Variants in DPP6 observed in about 807,000 individuals in gnomAD.
DPP6 encodes the protein A-type potassium channel modulatory protein DPP6.
Under a neutral mutation model 122.6 loss-of-function variants are expected in DPP6, and 69 were observed. The observed-to-expected ratio is 0.56, with a 90% CI of 0.46 to 0.69. DPP6 has a LOEUF of 0.69. Among genes scored for constraint, DPP6 ranks in the 30% least tolerant of loss-of-function variants. The pLI, the probability that DPP6 is intolerant of heterozygous loss-of-function variation, is 0.00. For synonymous variants in DPP6, 418 were observed against 433.1 expected (o/e 0.97, Z 0.43); for missense variants, 928 against 1,116.9 (o/e 0.83, Z 2.41).
At chr7:154,074,976 A>G (rs900958959) in intron 1 of DPP6, among the ~76,000 whole-genome samples, 6 of 151,448 alleles carry the variant, frequency 4.0e-5, no homozygotes, top group African/African-American at 1.5e-4. Flanking sequence ...AAATAATCCC[A>G]TCAAAAAGTG....
At chr7:153,985,746 A>G (rs1796812870) in intron 1 of DPP6, among the ~76,000 whole-genome samples, 1 of 152,230 alleles carries the variant, frequency 6.6e-6, no homozygotes, top group South Asian at 2.1e-4. Context: ...CATTTTAGGA[A>G]ATAAGCTACA....
At chr7:154,159,196 C>T (rs7795651) in intron 1 of DPP6, among the ~76,000 whole-genome samples, 126,910 of 152,104 alleles carry the variant, frequency 0.83, 53,271 homozygotes, top group East Asian at 0.98. Flanking sequence ...ATCCCCGAGC[C>T]CCTGCTCCGT....
intron 1 of DPP6, among the ~76,000 whole-genome samples, chr7:154,418,999 T>C (rs1009986235): frequency 5.3e-5 from 8 of 152,220 alleles, no homozygotes; most frequent in Admixed American, 5.2e-4. Flanking sequence ...GAAATGATAT[T>C]AGCAATCATA....
intron 1 of DPP6, among the ~76,000 whole-genome samples, chr7:154,216,549 C>G (rs1388695102): frequency 6.6e-6 from 1 of 152,134 alleles, no homozygotes. Context: ...GCAAATGGCC[C>G]AGAGATTCTT....
At chr7:154,387,148 G>T (rs1019924154) in intron 1 of DPP6, among the ~76,000 whole-genome samples, 10 of 152,262 alleles carry the variant, frequency 6.6e-5, no homozygotes, top group Admixed American at 4.6e-4. Context: ...CTAGAACTAG[G>T]TCATTCTTGG....
chr7:153,927,174 G>A (rs575717140), intron 1 of DPP6, among the ~76,000 whole-genome samples: 3 of 152,220 alleles, frequency 2.0e-5, no homozygotes, highest in Non-Finnish European at 4.4e-5. Flanking sequence ...TTGGCTGGGC[G>A]TGGTGCTGTA....
intron 1 of DPP6, among the ~76,000 whole-genome samples, chr7:154,218,604 G>GT (rs1478943817): frequency 6.6e-6 from 1 of 152,198 alleles, no homozygotes; most frequent in Non-Finnish European, 1.5e-5. Context: ...TGGCAGTACA[G>GT]TAAATTTTAA....
chr7:154,085,901 G>A (rs1470810151), intron 1 of DPP6, among the ~76,000 whole-genome samples: 7 of 152,060 alleles, frequency 4.6e-5, no homozygotes, highest in Admixed American at 2.0e-4. Flanking sequence ...CTAATTTTTC[G>A]TATATTTAGC....
chr7:154,753,631 CT>C (rs1419505236), intron 8 of DPP6, among the ~76,000 whole-genome samples: 1 of 152,176 alleles, frequency 6.6e-6, no homozygotes, highest in Non-Finnish European at 1.5e-5. Context: ...CCCTCATTCT[CT>C]TTAGTATCAT....
intron 1 of DPP6, among the ~76,000 whole-genome samples, chr7:154,278,910 CATGTGTATGT>C (rs910078033): frequency 2.6e-4 from 39 of 150,038 alleles, no homozygotes; most frequent in South Asian, 4.2e-4. Flanking sequence ...TGTGCAATTG[CATGTGTATGT>C]ATGTGTATGT....
At chr7:154,135,005 G>GCT (rs1172562377) in intron 1 of DPP6, among the ~76,000 whole-genome samples, 17 of 151,946 alleles carry the variant, frequency 1.1e-4, no homozygotes, top group African/African-American at 4.1e-4. Flanking sequence ...CTTCCTGTGA[G>GCT]TGAACACTTC....
chr7:154,120,487 G>T (rs767649842), intron 1 of DPP6, among the ~76,000 whole-genome samples: 2 of 151,848 alleles, frequency 1.3e-5, no homozygotes, highest in African/African-American at 4.8e-5. Context: ...CTCGTGATCC[G>T]CCCGCCTCAG....
the DPP6 span, among the ~76,000 whole-genome samples, chr7:153,823,853 C>T: frequency 6.6e-6 from 1 of 151,962 alleles, no homozygotes; most frequent in African/African-American, 2.4e-5. Flanking sequence ...GTCAATTCCC[C>T]CACGACAATA....
intron 4 of DPP6, among the ~76,000 whole-genome samples, chr7:154,553,002 C>G (rs767627821): frequency 1.3e-5 from 2 of 152,148 alleles, no homozygotes; most frequent in African/African-American, 2.4e-5. Flanking sequence ...CAAGATGTCA[C>G]CATGCATCAC....
At chr7:154,445,009 C>G (rs939219706) in intron 1 of DPP6, among the ~76,000 whole-genome samples, 7 of 152,116 alleles carry the variant, frequency 4.6e-5, no homozygotes, top group African/African-American at 1.7e-4. Context: ...ATAATGGCCC[C>G]ATGAATTTTT....
intron 11 of DPP6, 38 bp from the exon 12 acceptor site, chr7:154,795,798 AAAAGAAAAG>A (rs869239637): frequency 3.4e-5 from 24 of 707,968 alleles, no homozygotes; most frequent in Admixed American, 2.8e-4. Flanking sequence ...AAAAAAAAAG[AAAAGAAAAG>A]AAAAACCCTC....
chr7:154,870,513 C>T (rs766715854), intron 18 of DPP6, among the ~76,000 whole-genome samples: 17 of 151,784 alleles, frequency 1.1e-4, no homozygotes, highest in African/African-American at 2.9e-4. Flanking sequence ...GGCTGAGGCA[C>T]GAGAATCACT....
chr7:154,769,374 T>G (rs749468854), intron 8 of DPP6, 43 bp from the exon 9 acceptor site: 1 of 1,607,406 alleles, frequency 6.2e-7, no homozygotes, highest in Non-Finnish European at 8.5e-7. Flanking sequence ...CAATTTCCAC[T>G]CACTTGTTAC....
rs1810394492 is a variant in DPP6 at position 154,346,349 on chromosome 7, C to CTG, written c.244-99864_244-99863dup. ...ATGGAGTCTTGCTCTGTCTCCCAGGCTGGAGTGCAATGAATGGCGCAATCT... is the reference window on the plus strand; with the variant it reads ...ATGGAGTCTTGCTCTGTCTCCCAGGCTGTGGAGTGCAATGAATGGCGCAATCT... On this transcript the variant is annotated intron_variant, in intron 1 of 25. Coordinates refer to ENST00000377770, the MANE Select transcript of DPP6 (RefSeq NM_130797.4). 2.6e-5 allele frequency among the ~76,000 whole-genome samples: 4 copies of CTG among 152,140 alleles called. No individual in the cohort carries two copies. In the South Asian group the frequency reaches 8.3e-4, roughly 32 times the overall value.
Sources: allele counts gnomAD v4.1 joint callset (sites outside exome capture counted in the v4.1 genomes callset), GRCh38; gene constraint gnomAD v4.1.1; transcripts MANE v1.5; gene names NCBI Gene and HGNC (gene_info 2026-07-23, HGNC 2026-07-21).